Variants in LRP2 observed in about 807,000 individuals in gnomAD.
LRP2 encodes the protein LDL receptor related protein 2.
Under a neutral mutation model 531.0 loss-of-function variants are expected in LRP2, and 172 were observed. That is an observed-to-expected ratio of 0.32 (90% CI 0.29 to 0.37). LRP2 has a LOEUF of 0.37. LRP2 is among the 10% of genes least tolerant of loss of function. LRP2 has a pLI of 1.00. For missense variants in LRP2, 5,167 were observed against 5,868.3 expected (o/e 0.88, Z 3.90); for synonymous variants, 1,992 against 2,027.6 (o/e 0.98, Z 0.47).
At chr2:169,260,951 T>A (rs1690522206) in intron 16 of LRP2, among the ~76,000 whole-genome samples, 1 of 151,900 alleles carries the variant, frequency 6.6e-6, no homozygotes, top group South Asian at 2.1e-4. Context: ...AGAAGATGGC[T>A]GAAGTACCAA....
Position 169,211,982 on chromosome 2 carries a change from G to C in LRP2, c.6266C>G (p.Pro2089Arg). Reference sequence around the variant, plus strand: ...AGTTGGCATACCTTGGCCTGCCACCGGCACCATGGTTTCTGAATGATCTGA... The same window carrying C: ...AGTTGGCATACCTTGGCCTGCCACCCGCACCATGGTTTCTGAATGATCTGA... ...ELSDHSETMV[P>R]VAGQGRNALH... is the part of the protein sequence containing the mutation. The change falls in exon 37 of 79, where the codon CCG (proline) becomes CGG (arginine). Residue 2089 changes from proline to arginine, a missense_variant. Physicochemically the swap from Pro to Arg is moderately radical, Grantham distance 103. Coordinates refer to ENST00000649046, the MANE Select transcript of LRP2 (RefSeq NM_004525.3). 1 of 1,613,898 alleles carries C rather than the reference G, an allele frequency of 6.2e-7. No individual in the cohort carries two copies. The highest frequency in any genetic ancestry group is 1.1e-5 in the South Asian group (1 of 91,068).
At chr2:169,350,592 G>A (rs1381622195) in intron 1 of LRP2, among the ~76,000 whole-genome samples, 1 of 151,776 alleles carries the variant, frequency 6.6e-6, no homozygotes. Flanking sequence ...GCATGGTGGT[G>A]TGCACCTGTA....
At position 169,246,095 on chromosome 2, in the gene LRP2, TG is replaced by T. The variant is rs371451083; in HGVS notation, c.3190+609del. Among the ~76,000 whole-genome samples, 717 of 152,016 alleles carry T rather than the reference TG, an allele frequency of 4.7e-3. 1 individual carries two copies. The highest frequency in any genetic ancestry group is 0.016 in the African/African-American group (681 of 41,494). On this transcript the variant is annotated intron_variant, in intron 21 of 78. Coordinates refer to ENST00000649046, the MANE Select transcript of LRP2 (RefSeq NM_004525.3). ...CTGTAGTCCTAGCTACTTGTAATTTTGTTTTTTTTGTATTTTGTAATTTTGT... is the reference window on the plus strand; with the variant it reads ...CTGTAGTCCTAGCTACTTGTAATTTTTTTTTTTTGTATTTTGTAATTTTGT...
At chr2:169,173,388 C>T (rs2105280815) in intron 56 of LRP2, among the ~76,000 whole-genome samples, 164 bp from the exon 57 acceptor site, 1 of 152,316 alleles carries the variant, frequency 6.6e-6, no homozygotes, top group East Asian at 1.9e-4. Flanking sequence ...TTACCATGAG[C>T]AGAAAAATAG....
intron 36 of LRP2, among the ~76,000 whole-genome samples, chr2:169,212,942 T>C (rs1177073887): frequency 6.6e-6 from 1 of 152,050 alleles, no homozygotes; most frequent in Non-Finnish European, 1.5e-5. Flanking sequence ...AAGAATATTC[T>C]TTATAGTAAT....
Position 169,182,152 on chromosome 2 carries a change from G to T in LRP2, c.9998+15C>A, listed in dbSNP as rs17848179. 4 of 1,613,922 alleles carry T rather than the reference G, an allele frequency of 2.5e-6. No individual in the cohort carries two copies. The Admixed American group carries it at 5.0e-5, about 20-fold the overall frequency. ...GGAGGTGAAAGAAAAGCCCAGGATT[G>T]CAGGGAGACAATACCCATATTGAGG... On this transcript the variant is annotated intron_variant, in intron 51 of 78. Coordinates refer to ENST00000649046, the MANE Select transcript of LRP2 (RefSeq NM_004525.3).
In LRP2 at chr2:169,206,345, T is replaced by C. The variant is rs1688386435; in HGVS notation, c.7375A>G (p.Thr2459Ala). ...ATLSSGIHTP[T>A]VIASGIGTAD... ...GTGCACTTACCTGAAGCAATGACAG[T>C]TGGAGTATGGATCCCTGAAGACAGG... Residue 2459 changes from threonine (T) to alanine (A), a missense_variant, in exon 39 of 79, where the codon ACT (threonine) becomes GCT (alanine). Transcript: ENST00000649046. 6.2e-7 allele frequency: 1 copy of C among 1,613,764 alleles called. No homozygotes were observed. Among genetic ancestry groups the C allele is most frequent in the Non-Finnish European group, 8.5e-7 (1 of 1,179,820 alleles).
chr2:169,297,822 A>C (rs1684173130), intron 4 of LRP2, among the ~76,000 whole-genome samples: 1 of 152,148 alleles, frequency 6.6e-6, no homozygotes, highest in African/African-American at 2.4e-5. Context: ...TACAAATATA[A>C]GGCACTGTTC....
rs908066945 is a variant in LRP2, at chr2:169,139,256, C to T, written c.13383G>A (p.Leu4461=). The T allele has an allele frequency of 6.2e-7, 1 of 1,614,034 alleles. No homozygotes were observed. The highest frequency in any genetic ancestry group is 1.3e-5 in the African/African-American group (1 of 74,928). ...TGSLLPALPK[L]PSLSSLVKPS... ...TTCCCCATAATGAAACTGACCTTGGCAGCTTGGGCAGAGCAGGCAAAAGGG... is the reference window on the plus strand; with the variant it reads ...TTCCCCATAATGAAACTGACCTTGGTAGCTTGGGCAGAGCAGGCAAAAGGG... The change falls in exon 74 of 79, where the codon CTG becomes CTA. Residue 4461 remains leucine (L), a synonymous_variant. Coordinates refer to ENST00000649046, the MANE Select transcript of LRP2 (RefSeq NM_004525.3).
rs866960657 is a variant in LRP2 at position 169,233,356 on chromosome 2, A to C, written c.5098+55T>G. ...GTAACAGTGTGCATTTAGCATTCCCAGGGTCAGTGTTTTTCAAGCTACTCC... is the reference window on the plus strand; with the variant it reads ...GTAACAGTGTGCATTTAGCATTCCCCGGGTCAGTGTTTTTCAAGCTACTCC... On this transcript the variant is annotated intron_variant, in intron 30 of 78. Coordinates refer to ENST00000649046, the MANE Select transcript of LRP2 (RefSeq NM_004525.3). The C allele has an allele frequency of 3.1e-6, 5 of 1,590,098 alleles. No individual in the cohort carries two copies. In the South Asian group the frequency reaches 4.4e-5, roughly 14 times the overall value.
At chr2:169,184,906 G>A (rs544109917) in intron 50 of LRP2, among the ~76,000 whole-genome samples, 6 of 152,144 alleles carry the variant, frequency 3.9e-5, no homozygotes, top group African/African-American at 7.2e-5. Flanking sequence ...GACTACAGAC[G>A]AACACCACCT....
chr2:169,277,807 A>G lies in LRP2; in HGVS notation c.1710T>C (p.Arg570=). The change falls in exon 13 of 79, where the codon CGT becomes CGC. Residue 570 remains arginine (R), a synonymous_variant. Transcript: ENST00000649046. ...CAAACCGAGAGTCAACCCAGTAAAC[A>G]CGCTTCGATATCATATCCAGAGTTA... ...AGVTLDMISK[R]VYWVDSRFDY... 2 of 1,614,134 alleles carry G rather than the reference A, an allele frequency of 1.2e-6. No homozygotes were observed. The highest frequency in any genetic ancestry group is 1.7e-6 in the Non-Finnish European group (2 of 1,180,014).
At chr2:169,285,170 A>G (rs1270538052) in intron 9 of LRP2, among the ~76,000 whole-genome samples, 3 of 148,402 alleles carry the variant, frequency 2.0e-5, no homozygotes, top group African/African-American at 7.9e-5. Flanking sequence ...AAAAAAAAAA[A>G]AATTAGCCAG....
chr2:169,219,560 C>T (rs534640817), intron 34 of LRP2, among the ~76,000 whole-genome samples: 3 of 152,126 alleles, frequency 2.0e-5, no homozygotes, highest in Non-Finnish European at 4.4e-5. Context: ...TTCTTTCACT[C>T]CCTTCCTCAG....
At chr2:169,145,341 G>C (rs1414786257) in intron 70 of LRP2, among the ~76,000 whole-genome samples, 3 of 152,176 alleles carry the variant, frequency 2.0e-5, no homozygotes, top group Non-Finnish European at 4.4e-5. Context: ...ATCTCAGGTT[G>C]ACCTGACTAG....
At chr2:169,129,459 G>C (rs1289884266) in intron 77 of LRP2, among the ~76,000 whole-genome samples, 2 of 152,170 alleles carry the variant, frequency 1.3e-5, no homozygotes, top group Non-Finnish European at 2.9e-5. Flanking sequence ...CTGAAAATTG[G>C]GTGGAGATGG....
chr2:169,134,294 C>T (rs1278535815), intron 76 of LRP2, among the ~76,000 whole-genome samples: 1 of 152,176 alleles, frequency 6.6e-6, no homozygotes, highest in Non-Finnish European at 1.5e-5. Context: ...TATTTTCTTT[C>T]TCCCACCTGA....
intron 19 of LRP2, among the ~76,000 whole-genome samples, chr2:169,248,615 C>T (rs1690107007): frequency 1.3e-5 from 2 of 151,130 alleles, no homozygotes. Context: ...CAAAAAACAG[C>T]AATGTTGAGG....
chr2:169,266,745 G>A (rs950981573), intron 16 of LRP2, among the ~76,000 whole-genome samples: 1 of 152,010 alleles, frequency 6.6e-6, no homozygotes, highest in African/African-American at 2.4e-5. Context: ...CTGAAGAGAT[G>A]TCTTCCCCTT....
Sources: gnomAD v4.1 joint callset for allele counts (sites outside exome capture counted in the v4.1 genomes callset) on GRCh38, gnomAD v4.1.1 for gene constraint, MANE v1.5 for transcripts, NCBI Gene and HGNC (gene_info 2026-07-23, HGNC 2026-07-21) for gene names.